The following OR2L13 variants were observed in gnomAD, a reference collection of about 807,000 sequenced individuals.
OR2L13 encodes the protein olfactory receptor 2L13.
A neutral mutation model predicts 15.3 loss-of-function variants in OR2L13; 14 were observed. The observed-to-expected ratio is 0.91, with a 90% CI of 0.60 to 1.43. The LOEUF is 1.43. Among genes scored for constraint, OR2L13 ranks in the 40% most tolerant of loss-of-function variants. OR2L13 has a pLI of 0.00. For synonymous variants in OR2L13, 152 were observed against 142.9 expected, an observed-to-expected ratio of 1.06 and a Z score of -0.45; for missense variants, 367 against 387.9, an observed-to-expected ratio of 0.95 and a Z score of 0.45.
chr1:247,949,777 T>G, the OR2L13 span: 1,845 of 1,611,344 alleles, frequency 1.1e-3, 3 homozygotes, highest in Non-Finnish European at 1.4e-3. Flanking sequence ...AGTCAGAGAA[T>G]CTGCTCTGTG....
chr1:248,096,987 G>C (rs1664754901), upstream of OR2L13, among the ~76,000 whole-genome samples: 1 of 151,998 alleles, frequency 6.6e-6, no homozygotes, highest in Admixed American at 6.5e-5. Context: ...ACTGACTTGT[G>C]GCAACTAACC....
chr1:247,947,483 G>C, the OR2L13 span, among the ~76,000 whole-genome samples: 1 of 152,154 alleles, frequency 6.6e-6, no homozygotes, highest in African/African-American at 2.4e-5. Flanking sequence ...CTTACATCTG[G>C]AGTGGAATTT....
chr1:248,001,028 C>G, the OR2L13 span, among the ~76,000 whole-genome samples: 1 of 151,958 alleles, frequency 6.6e-6, no homozygotes, highest in African/African-American at 2.4e-5. Flanking sequence ...AACTACACCA[C>G]ACATTTTTAA....
chr1:248,015,062 G>A, the OR2L13 span, among the ~76,000 whole-genome samples: 1 of 152,070 alleles, frequency 6.6e-6, no homozygotes, highest in Non-Finnish European at 1.5e-5. Context: ...GCACTATCGT[G>A]GACCTCAATG....
the OR2L13 span, among the ~76,000 whole-genome samples, chr1:248,074,466 G>T: frequency 2.0e-5 from 3 of 151,546 alleles, no homozygotes; most frequent in Non-Finnish European, 4.4e-5. Context: ...CAGCCAAAAG[G>T]CTTCTAGAAC....
the OR2L13 span, among the ~76,000 whole-genome samples, chr1:248,054,661 C>A: frequency 1.2e-4 from 18 of 152,074 alleles, no homozygotes; most frequent in Admixed American, 1.3e-4. Flanking sequence ...CTTCACTTCC[C>A]TTATTAGCTG....
the OR2L13 span, chr1:248,061,579 C>G: frequency 3.1e-6 from 5 of 1,613,170 alleles, no homozygotes; most frequent in African/African-American, 5.3e-5. Context: ...GATGGGGGCC[C>G]TGACACGAGT....
the OR2L13 span, chr1:248,003,112 T>A: frequency 1.7e-6 from 2 of 1,162,130 alleles, no homozygotes; most frequent in African/African-American, 1.5e-5. Flanking sequence ...CCCTTCCGGA[T>A]GGATTGTAGG....
At chr1:248,038,742 AC>A in the OR2L13 span, 1 of 1,614,164 alleles carries the variant, frequency 6.2e-7, no homozygotes, top group Non-Finnish European at 8.5e-7. Context: ...TTGTGCTCAC[AC>A]AGTATATGCA....
the OR2L13 span, among the ~76,000 whole-genome samples, chr1:248,069,624 A>T: frequency 6.6e-6 from 1 of 152,206 alleles, no homozygotes; most frequent in African/African-American, 2.4e-5. Flanking sequence ...ACACATAACA[A>T]TATTAACTTT....
chr1:247,982,038 A>G, the OR2L13 span, among the ~76,000 whole-genome samples: 1 of 152,124 alleles, frequency 6.6e-6, no homozygotes, highest in African/African-American at 2.4e-5. Context: ...GATGGTCTCA[A>G]TCTCCTGACC....
the OR2L13 span, among the ~76,000 whole-genome samples, chr1:247,981,426 T>G: frequency 1.3e-5 from 2 of 152,216 alleles, no homozygotes; most frequent in Admixed American, 6.5e-5. Flanking sequence ...GGTAACCATA[T>G]GATTAGTAGC....
At chr1:248,008,144 A>G in the OR2L13 span, among the ~76,000 whole-genome samples, 1 of 152,274 alleles carries the variant, frequency 6.6e-6, no homozygotes, top group East Asian at 1.9e-4. Flanking sequence ...AATAGAAAAT[A>G]GCACTTACAA....
At chr1:247,953,893 A>G in the OR2L13 span, among the ~76,000 whole-genome samples, 1 of 151,396 alleles carries the variant, frequency 6.6e-6, no homozygotes, top group African/African-American at 2.4e-5. Context: ...TATACCTCCT[A>G]GGGACTCCCC....
the OR2L13 span, among the ~76,000 whole-genome samples, chr1:248,064,649 C>T: frequency 1.3e-5 from 2 of 152,114 alleles, no homozygotes; most frequent in African/African-American, 4.8e-5. Flanking sequence ...AATCAGGAGA[C>T]CTAGCTGTAT....
At chr1:248,016,822 T>A in the OR2L13 span, among the ~76,000 whole-genome samples, 1 of 152,134 alleles carries the variant, frequency 6.6e-6, no homozygotes, top group African/African-American at 2.4e-5. Flanking sequence ...TAGGCATATG[T>A]GTGTTTGTGT....
the OR2L13 span, among the ~76,000 whole-genome samples, chr1:247,994,179 A>G: frequency 0.1 from 15,148 of 152,024 alleles, 1,091 homozygotes; most frequent in African/African-American, 0.2. Context: ...GGCGGATCAC[A>G]GGGTCAGGAG....
the OR2L13 span, among the ~76,000 whole-genome samples, chr1:247,989,907 G>A: frequency 1.3e-5 from 2 of 151,832 alleles, no homozygotes; most frequent in Admixed American, 6.6e-5. Context: ...ATCTCATCAC[G>A]TAGACATTTT....
the OR2L13 span, among the ~76,000 whole-genome samples, chr1:248,011,810 G>A: frequency 1.3e-5 from 2 of 152,074 alleles, no homozygotes; most frequent in African/African-American, 4.8e-5. Flanking sequence ...GAACCCTGTG[G>A]GTGGGCCTGT....
Sources: gnomAD v4.1 joint callset for allele counts (sites outside exome capture counted in the v4.1 genomes callset) on GRCh38, gnomAD v4.1.1 for gene constraint, MANE v1.5 for transcripts, NCBI Gene and HGNC (gene_info 2026-07-23, HGNC 2026-07-21) for gene names.